Variants in EYS observed in about 807,000 individuals in gnomAD.
EYS encodes EGF-like photoreceptor maintenance factor.
In EYS, 250 loss-of-function variants were observed where a neutral mutation model predicts 282.1. That is an observed-to-expected ratio of 0.89 (90% CI 0.80 to 0.98). The LOEUF is 0.98. Ranked by LOEUF, EYS falls within the 50% of genes least tolerant of loss-of-function variation. The probability of loss-of-function intolerance (pLI) is 0.00; values close to 1 mark genes in which losing one functional copy is unlikely to be tolerated. For synonymous variants in EYS, 1,355 were observed against 1,282.9 expected (o/e 1.06, Z -1.20); for missense variants, 4,016 against 3,709.0 (o/e 1.08, Z -2.15).
rs185180574 is a variant in EYS at position 65,110,411 on chromosome 6, A to G, written c.2024-52684T>C. Among the ~76,000 whole-genome samples, 758 of 152,266 alleles carry G rather than the reference A, an allele frequency of 5.0e-3. 1 individual carries two copies. Among genetic ancestry groups the G allele is most frequent in the Middle Eastern group, 0.014 (4 of 294 alleles). On this transcript the variant is annotated intron_variant, in intron 12 of 42. Transcript: ENST00000503581. ...ACACTTTTAAAATGGTTATTACACA[A>G]GTACCAAAAAAGCTAGGAAAGTGAA...
chr6:65,202,569 C>T (rs76548647), intron 12 of EYS, among the ~76,000 whole-genome samples: 4,633 of 152,088 alleles, frequency 0.03, 91 homozygotes, highest in Non-Finnish European at 0.045. Context: ...ATGACATCTG[C>T]GGCCTGATCT....
intron 12 of EYS, among the ~76,000 whole-genome samples, chr6:65,198,643 C>T (rs1274125873): frequency 6.6e-6 from 1 of 151,980 alleles, no homozygotes; most frequent in East Asian, 1.9e-4. Flanking sequence ...AAGTGAGAAG[C>T]CCCTGGAAAC....
At chr6:65,146,801 C>G (rs751690489) in intron 12 of EYS, among the ~76,000 whole-genome samples, 1 of 151,886 alleles carries the variant, frequency 6.6e-6, no homozygotes, top group Non-Finnish European at 1.5e-5. Context: ...AATACTTATT[C>G]TTTTTACCAT....
At chr6:65,652,808 T>C (rs1767701026) in intron 1 of EYS, among the ~76,000 whole-genome samples, 1 of 151,988 alleles carries the variant, frequency 6.6e-6, no homozygotes, top group East Asian at 1.9e-4. Context: ...GAGCTTAGTT[T>C]AATGAATCAT....
At chr6:63,824,473 T>C (rs1771404398) in intron 36 of EYS, among the ~76,000 whole-genome samples, 1 of 152,186 alleles carries the variant, frequency 6.6e-6, no homozygotes, top group Non-Finnish European at 1.5e-5. Flanking sequence ...AATTAAATGT[T>C]ACTGCAAGAA....
intron 36 of EYS, among the ~76,000 whole-genome samples, chr6:63,807,461 A>G (rs1770935890): frequency 6.6e-6 from 1 of 152,204 alleles, no homozygotes; most frequent in South Asian, 2.1e-4. Context: ...ATAATTTAGG[A>G]AAAATGATGC....
At chr6:65,336,116 T>G (rs899754975) in intron 10 of EYS, among the ~76,000 whole-genome samples, 3 of 151,772 alleles carry the variant, frequency 2.0e-5, no homozygotes, top group Non-Finnish European at 4.4e-5. Flanking sequence ...CTGTAGAGCC[T>G]GTGGAACTGT....
intron 40 of EYS, among the ~76,000 whole-genome samples, chr6:63,767,034 T>C (rs777932233): frequency 6.6e-6 from 1 of 152,074 alleles, no homozygotes; most frequent in Non-Finnish European, 1.5e-5. Context: ...TTCAACTTTC[T>C]TTTGTGTTAA....
chr6:63,724,555 A>G (rs556852027), intron 42 of EYS, among the ~76,000 whole-genome samples: 1 of 152,298 alleles, frequency 6.6e-6, no homozygotes, highest in South Asian at 2.1e-4. Context: ...GCTTAACAAA[A>G]TGTTGATAAT....
chr6:64,178,806 T>C (rs1305184413), intron 31 of EYS, among the ~76,000 whole-genome samples: 1 of 152,080 alleles, frequency 6.6e-6, no homozygotes, highest in Non-Finnish European at 1.5e-5. Flanking sequence ...CTGGTAGTTA[T>C]TTGCTCATAT....
intron 12 of EYS, among the ~76,000 whole-genome samples, chr6:65,193,220 A>G (rs1185738114): frequency 6.6e-6 from 1 of 151,876 alleles, no homozygotes; most frequent in African/African-American, 2.4e-5. Flanking sequence ...TTTGCAGATG[A>G]GAAAGCTAAA....
chr6:64,585,891 C>T (rs2149827737), intron 26 of EYS, among the ~76,000 whole-genome samples: 1 of 152,194 alleles, frequency 6.6e-6, no homozygotes, highest in East Asian at 1.9e-4. Flanking sequence ...TTGTATGTAA[C>T]ATTAACAGCC....
At chr6:64,381,786 T>C (rs1772755581) in intron 29 of EYS, among the ~76,000 whole-genome samples, 1 of 152,200 alleles carries the variant, frequency 6.6e-6, no homozygotes, top group Non-Finnish European at 1.5e-5. Context: ...AAACTATATA[T>C]GTATTAAACT....
intron 29 of EYS, among the ~76,000 whole-genome samples, chr6:64,329,352 C>A (rs1770553730): frequency 6.6e-6 from 1 of 152,062 alleles, no homozygotes; most frequent in African/African-American, 2.4e-5. Context: ...CCAGAAATTG[C>A]AAGCACAAAT....
intron 29 of EYS, among the ~76,000 whole-genome samples, chr6:64,318,498 A>G (rs1277231928): frequency 6.6e-6 from 1 of 152,002 alleles, no homozygotes; most frequent in Non-Finnish European, 1.5e-5. Flanking sequence ...AAATACAAAC[A>G]CATCACAATT....
At chr6:65,706,011 T>G (rs1185227731) in intron 1 of EYS, among the ~76,000 whole-genome samples, 1 of 151,792 alleles carries the variant, frequency 6.6e-6, no homozygotes, top group Admixed American at 6.6e-5. Context: ...ATTGATAATA[T>G]AAATATAGTA....
At chr6:65,505,129 G>A (rs1331767663) in intron 2 of EYS, among the ~76,000 whole-genome samples, 1 of 151,776 alleles carries the variant, frequency 6.6e-6, no homozygotes, top group African/African-American at 2.4e-5. Context: ...CATGAGTATT[G>A]ATAGTTTGTG....
At chr6:64,793,099 C>A (rs1292969036) in intron 22 of EYS, among the ~76,000 whole-genome samples, 1 of 151,892 alleles carries the variant, frequency 6.6e-6, no homozygotes, top group Non-Finnish European at 1.5e-5. Context: ...CACTGTATGA[C>A]TTTAGAAATA....
chr6:65,398,732 T>C (rs1203139620), intron 7 of EYS, among the ~76,000 whole-genome samples: 6 of 152,244 alleles, frequency 3.9e-5, no homozygotes, highest in Middle Eastern at 3.4e-3. Flanking sequence ...TTCTCTAAAA[T>C]GGAAACATAC....
Sources: gnomAD v4.1 joint callset for allele counts (sites outside exome capture counted in the v4.1 genomes callset) on GRCh38, gnomAD v4.1.1 for gene constraint, MANE v1.5 for transcripts, NCBI Gene and HGNC (gene_info 2026-07-23, HGNC 2026-07-21) for gene names.